Variants in TYW1 observed in about 807,000 individuals in gnomAD.
The protein encoded by TYW1 is S-adenosyl-L-methionine-dependent tRNA 4-demethylwyosine synthase TYW1.
TYW1 carries 46 observed loss-of-function variants against 96.2 expected under a neutral mutation model. The observed-to-expected ratio is 0.48, with a 90% CI of 0.38 to 0.61. The LOEUF (loss-of-function observed/expected upper bound fraction) is 0.61, where lower values mean the gene tolerates loss of function less well. Ranked by LOEUF, TYW1 falls within the 20% of genes least tolerant of loss-of-function variation. TYW1 has a pLI of 0.00. For missense variants in TYW1, 684 were observed against 909.6 expected, an observed-to-expected ratio of 0.75 and a Z score of 3.19; for synonymous variants, 274 against 323.0, an observed-to-expected ratio of 0.85 and a Z score of 1.63.
At chr7:67,033,623 C>T (rs1794737457) in intron 7 of TYW1, among the ~76,000 whole-genome samples, 1 of 151,956 alleles carries the variant, frequency 6.6e-6, no homozygotes, top group South Asian at 2.1e-4. Context: ...CCAACATTCT[C>T]TAGAGAAATC....
chr7:67,000,537 G>C (rs904500070), intron 3 of TYW1, among the ~76,000 whole-genome samples: 11 of 151,814 alleles, frequency 7.2e-5, no homozygotes, highest in Middle Eastern at 3.4e-3. Context: ...GACCTCAGAT[G>C]AGCCACCCGC....
chr7:67,147,083 T>C (rs1033639432), intron 13 of TYW1, among the ~76,000 whole-genome samples: 3 of 152,186 alleles, frequency 2.0e-5, no homozygotes, highest in Non-Finnish European at 4.4e-5. Context: ...GACTGGGAAA[T>C]AGGTTCTTTT....
At position 67,232,184 on chromosome 7, in the gene TYW1, T is replaced by C. The variant is rs528269654; in HGVS notation, c.1978-6124T>C. Among the ~76,000 whole-genome samples the C allele has an allele frequency of 1.5e-3, 221 of 151,726 alleles. 1 individual carries two copies. The highest frequency in any genetic ancestry group is 4.8e-3 in the African/African-American group (198 of 41,316). ...ATGTAGAGGTTGCAGTGAGCTGAGA[T>C]CATGCCATTGCACTCCAGCCTGGGT... On this transcript the variant is annotated intron_variant, in intron 15 of 15. Coordinates refer to ENST00000359626, the MANE Select transcript of TYW1 (RefSeq NM_018264.4).
At chr7:67,148,688 C>T (rs868732651) in intron 13 of TYW1, among the ~76,000 whole-genome samples, 13 of 152,180 alleles carry the variant, frequency 8.5e-5, no homozygotes, top group South Asian at 2.1e-4. Context: ...ACCTTGGCCT[C>T]CCAAAATGCT....
intron 15 of TYW1, among the ~76,000 whole-genome samples, chr7:67,225,688 T>G (rs73144525): frequency 0.15 from 22,047 of 149,880 alleles, 1,792 homozygotes; most frequent in African/African-American, 0.2. Flanking sequence ...TAGAGAAATA[T>G]CAGAGGAAAT....
chr7:67,111,571 T>C (rs1047861785), intron 12 of TYW1, among the ~76,000 whole-genome samples: 12 of 152,108 alleles, frequency 7.9e-5, no homozygotes, highest in African/African-American at 2.9e-4. Context: ...CTAAAGTCTC[T>C]CAGAGACCCA....
At chr7:67,014,103 A>G (rs1418801303) in intron 4 of TYW1, among the ~76,000 whole-genome samples, 1 of 151,412 alleles carries the variant, frequency 6.6e-6, no homozygotes, top group Non-Finnish European at 1.5e-5. Flanking sequence ...CGATGATGAG[A>G]ATGTATAGTC....
intron 10 of TYW1, among the ~76,000 whole-genome samples, chr7:67,082,079 T>G (rs1353807171): frequency 6.6e-6 from 1 of 151,928 alleles, no homozygotes; most frequent in East Asian, 1.9e-4. Flanking sequence ...CTGAGTTTCC[T>G]TAAGACCATT....
intron 13 of TYW1, among the ~76,000 whole-genome samples, chr7:67,176,198 A>T (rs1191534437): frequency 6.6e-6 from 1 of 152,254 alleles, no homozygotes; most frequent in Non-Finnish European, 1.5e-5. Context: ...CTAGGAATAA[A>T]TCTATGGAAA....
rs548497946 is a variant in TYW1, at chr7:67,038,955, G to A, written c.985-10994G>A. Among the ~76,000 whole-genome samples the A allele has an allele frequency of 4.6e-5, 7 of 152,214 alleles. No homozygotes were observed. The South Asian group carries it at 1.0e-3, about 23-fold the overall frequency. On this transcript the variant is annotated intron_variant, in intron 7 of 15. Transcript: ENST00000359626. ...AAGGAAATACTCATTGGAGCAGTTC[G>A]GATTTTGGCTTTGAAGATTTGGGAT...
chr7:66,997,221 A>G (rs1480869553), intron 1 of TYW1, among the ~76,000 whole-genome samples: 2 of 152,186 alleles, frequency 1.3e-5, no homozygotes, highest in Admixed American at 6.6e-5. Context: ...ACCTACGTGT[A>G]TTAGGACTTT....
chr7:67,062,566 C>CAAAAAAAAAAAAAAAAAA (rs56770876), intron 9 of TYW1, among the ~76,000 whole-genome samples: 43 of 89,148 alleles, frequency 4.8e-4, no homozygotes, highest in South Asian at 7.3e-4. Flanking sequence ...GACTCCGTCT[C>CAAAAAAAAAAAAAAAAAA]AAAAAAAAAA....
intron 12 of TYW1, chr7:67,114,297 A>C (rs1393762502): frequency 3.9e-5 from 6 of 154,170 alleles, no homozygotes; most frequent in Admixed American, 2.0e-4. Flanking sequence ...AATTTCTTAC[A>C]AACATAAATC....
intron 13 of TYW1, among the ~76,000 whole-genome samples, chr7:67,144,663 G>T (rs1346977460): frequency 1.3e-5 from 2 of 152,084 alleles, no homozygotes; most frequent in African/African-American, 4.8e-5. Context: ...TAGAGACAGG[G>T]TTTCGCCGTG....
At chr7:67,187,129 T>TCTCG (rs1309075700) in intron 14 of TYW1, among the ~76,000 whole-genome samples, 1 of 143,692 alleles carries the variant, frequency 7.0e-6, no homozygotes, top group Admixed American at 7.1e-5. Context: ...AGTGGCACAA[T>TCTCG]CTCGGTTCAC....
intron 10 of TYW1, among the ~76,000 whole-genome samples, chr7:67,078,796 G>A (rs1179195486): frequency 7.9e-5 from 12 of 152,022 alleles, no homozygotes; most frequent in Admixed American, 4.6e-4. Context: ...GGGTTCAAGC[G>A]ATTCCCCTGC....
intron 12 of TYW1, among the ~76,000 whole-genome samples, chr7:67,107,220 T>C (rs1584568882): frequency 6.6e-6 from 1 of 152,238 alleles, no homozygotes; most frequent in East Asian, 1.9e-4. Context: ...ATTGCCTGAT[T>C]CTTTTAATAG....
At chr7:67,155,728 A>G (rs1303388949) in intron 13 of TYW1, among the ~76,000 whole-genome samples, 1 of 152,010 alleles carries the variant, frequency 6.6e-6, no homozygotes, top group African/African-American at 2.4e-5. Context: ...CCGGCTAAGT[A>G]TTCTTTTATA....
At position 67,135,302 on chromosome 7, in the gene TYW1, G is replaced by GTT. The variant is rs869257148; in HGVS notation, c.1698+17703_1698+17704dup. Among the ~76,000 whole-genome samples, 226 of 111,802 alleles carry GTT rather than the reference G, an allele frequency of 2.0e-3. 9 individuals carry two copies. Among genetic ancestry groups the GTT allele is most frequent in the African/African-American group, 3.2e-3 (85 of 26,334 alleles). 73.3% of individuals were successfully genotyped at this position (111,802 alleles called of 152,430 possible). On this transcript the variant is annotated intron_variant, in intron 13 of 15. Transcript: ENST00000359626. ...TCTTTTTGAATATGATGTTAAAACA[G>GTT]TTTTTTTTTTTTTTTTTTTTGAGAC... is the stretch of plus-strand genomic sequence containing the variant.
Sources: allele counts gnomAD v4.1 joint callset (sites outside exome capture counted in the v4.1 genomes callset), GRCh38; gene constraint gnomAD v4.1.1; transcripts MANE v1.5; gene names NCBI Gene and HGNC (gene_info 2026-07-23, HGNC 2026-07-21).